The following CCSER1 variants were observed in gnomAD, a reference collection of about 807,000 sequenced individuals.
CCSER1 encodes the protein coiled-coil serine rich protein 1, also known as serine-rich coiled-coil domain-containing protein 1.
CCSER1 carries 41 observed loss-of-function variants against 82.0 expected under a neutral mutation model. The observed-to-expected ratio is 0.50, with a 90% CI of 0.39 to 0.65. CCSER1 has a LOEUF of 0.65. CCSER1 is among the 30% of genes least tolerant of loss of function. CCSER1 has a pLI of 0.00. For synonymous variants in CCSER1, 414 were observed against 383.9 expected (o/e 1.08, Z -0.92); for missense variants, 1,119 against 1,064.2 (o/e 1.05, Z -0.72).
intron 10 of CCSER1, among the ~76,000 whole-genome samples, chr4:91,181,319 AATC>A (rs369781344): frequency 4.6e-5 from 7 of 152,234 alleles, no homozygotes; most frequent in African/African-American, 1.2e-4. Context: ...TTAAAAGCAC[AATC>A]ATCATTGAAA....
intron 10 of CCSER1, among the ~76,000 whole-genome samples, chr4:91,528,176 C>G (rs1322951449): frequency 6.6e-6 from 1 of 152,066 alleles, no homozygotes; most frequent in African/African-American, 2.4e-5. Flanking sequence ...TTGCCTTGGC[C>G]TCTCAAAGTG....
chr4:90,775,201 A>G (rs964233923), intron 7 of CCSER1, among the ~76,000 whole-genome samples: 1 of 152,184 alleles, frequency 6.6e-6, no homozygotes, highest in Non-Finnish European at 1.5e-5. Context: ...TGAATTGAGT[A>G]CTTGAGATCA....
intron 10 of CCSER1, among the ~76,000 whole-genome samples, chr4:91,544,992 CAAGCCTCAGCAATGGTGGAT>C (rs912487952): frequency 1.1e-4 from 16 of 152,230 alleles, no homozygotes; most frequent in East Asian, 1.9e-4. Flanking sequence ...TTTACCTACT[CAAGCCTCAGCAATGGTGGAT>C]AAGCCTCAGC....
intron 10 of CCSER1, among the ~76,000 whole-genome samples, chr4:91,204,938 G>A (rs1472133161): frequency 6.6e-6 from 1 of 151,538 alleles, no homozygotes. Context: ...ACAATAAAAT[G>A]CAGCACTTAA....
chr4:91,226,207 TAAA>T (rs758048847), intron 10 of CCSER1, among the ~76,000 whole-genome samples: 8 of 151,808 alleles, frequency 5.3e-5, no homozygotes, highest in Non-Finnish European at 1.2e-4. Context: ...AAAGATATAT[TAAA>T]GAAGTGGTCA....
chr4:91,094,808 CAG>C (rs1280965401), intron 10 of CCSER1, among the ~76,000 whole-genome samples: 1 of 152,080 alleles, frequency 6.6e-6, no homozygotes, highest in Non-Finnish European at 1.5e-5. Flanking sequence ...TTCTTCTTCT[CAG>C]GGGACTGTAA....
chr4:91,124,787 G>A (rs1160972719), intron 10 of CCSER1, among the ~76,000 whole-genome samples: 1 of 151,750 alleles, frequency 6.6e-6, no homozygotes, highest in African/African-American at 2.4e-5. Flanking sequence ...TTTTATGGTT[G>A]TTTTATTAAG....
At chr4:90,538,399 C>T (rs1775693621) in intron 5 of CCSER1, among the ~76,000 whole-genome samples, 1 of 151,906 alleles carries the variant, frequency 6.6e-6, no homozygotes, top group Non-Finnish European at 1.5e-5. Context: ...GATTTTCTTT[C>T]TCTTTTTTCT....
intron 5 of CCSER1, among the ~76,000 whole-genome samples, chr4:90,539,080 T>C (rs191037719): frequency 4.7e-4 from 71 of 152,242 alleles, no homozygotes; most frequent in African/African-American, 1.6e-3. Context: ...CAACTTTTCA[T>C]ATCTAAATAA....
At chr4:90,153,928 T>C (rs1454477714) in intron 1 of CCSER1, among the ~76,000 whole-genome samples, 2 of 152,300 alleles carry the variant, frequency 1.3e-5, no homozygotes, top group Admixed American at 6.5e-5. Flanking sequence ...TTGCTTTTGG[T>C]GTTTTAGACA....
intron 1 of CCSER1, among the ~76,000 whole-genome samples, chr4:90,159,445 G>A (rs1279384246): frequency 1.3e-5 from 2 of 152,188 alleles, no homozygotes; most frequent in Non-Finnish European, 2.9e-5. Flanking sequence ...TGGGGAAGAG[G>A]AATAGAAGCA....
chr4:91,402,720 T>C (rs1055866975), intron 10 of CCSER1, among the ~76,000 whole-genome samples: 6 of 152,128 alleles, frequency 3.9e-5, no homozygotes, highest in Non-Finnish European at 7.3e-5. Context: ...TGTGGTATTA[T>C]TTCTGAGGAC....
chr4:91,333,075 C>G (rs1747069118), intron 10 of CCSER1, among the ~76,000 whole-genome samples: 1 of 151,992 alleles, frequency 6.6e-6, no homozygotes, highest in Non-Finnish European at 1.5e-5. Context: ...AACATCCATT[C>G]TTGTCACAAA....
chr4:91,510,090 T>A lies in CCSER1; in HGVS notation c.2218-88482T>A, dbSNP rs113809018. On this transcript the variant is annotated intron_variant, in intron 10 of 10. Coordinates refer to ENST00000509176, the MANE Select transcript of CCSER1 (RefSeq NM_001145065.2). ...GTACCCATTGTTTAGCTCCCACTTA[T>A]AAGTGAAAACATGCAGTATTTGGTT... is the stretch of plus-strand genomic sequence containing the variant. Among the ~76,000 whole-genome samples the A allele has an allele frequency of 2.2e-4, 33 of 152,266 alleles. No individual in the cohort carries two copies. In the South Asian group the frequency reaches 6.4e-3, roughly 30 times the overall value.
chr4:90,344,668 T>C (rs1561065081), intron 3 of CCSER1, among the ~76,000 whole-genome samples: 1 of 152,078 alleles, frequency 6.6e-6, no homozygotes, highest in Non-Finnish European at 1.5e-5. Flanking sequence ...AAATTCATGA[T>C]AAGGTCAAAA....
intron 10 of CCSER1, among the ~76,000 whole-genome samples, chr4:91,257,750 G>T (rs1159230244): frequency 1.3e-5 from 2 of 151,988 alleles, no homozygotes; most frequent in South Asian, 4.1e-4. Flanking sequence ...AATTAGAATG[G>T]TTCACCTTAG....
intron 10 of CCSER1, among the ~76,000 whole-genome samples, chr4:91,376,627 GAAA>G (rs561686321): frequency 1.1e-4 from 16 of 152,044 alleles, no homozygotes; most frequent in African/African-American, 3.9e-4. Flanking sequence ...GCAAATTAAA[GAAA>G]AAAATTATTC....
chr4:91,467,068 A>G (rs1560694763), intron 10 of CCSER1, among the ~76,000 whole-genome samples: 1 of 152,280 alleles, frequency 6.6e-6, no homozygotes, highest in South Asian at 2.1e-4. Context: ...AGCCAAAAGA[A>G]CAAAGCTGGA....
chr4:91,596,189 CTT>C (rs746514035), intron 10 of CCSER1, among the ~76,000 whole-genome samples: 127 of 151,892 alleles, frequency 8.4e-4, no homozygotes, highest in Non-Finnish European at 1.3e-3. Context: ...TTCAATATGT[CTT>C]TTTAAAACTG....
Sources: gnomAD v4.1 joint callset for allele counts (sites outside exome capture counted in the v4.1 genomes callset) on GRCh38, gnomAD v4.1.1 for gene constraint, MANE v1.5 for transcripts, NCBI Gene and HGNC (gene_info 2026-07-23, HGNC 2026-07-21) for gene names.